Variants in ARHGAP29 observed in about 807,000 individuals in gnomAD.
ARHGAP29 encodes the protein rho GTPase-activating protein 29.
A neutral mutation model predicts 122.6 loss-of-function variants in ARHGAP29; 43 were observed. The observed-to-expected ratio is 0.35, with a 90% CI of 0.27 to 0.45. ARHGAP29 has a LOEUF of 0.45. Ranked by LOEUF, ARHGAP29 falls within the 20% of genes least tolerant of loss-of-function variation. ARHGAP29 has a pLI of 1.00. For missense variants in ARHGAP29, 1,303 were observed against 1,477.2 expected, an observed-to-expected ratio of 0.88 and a Z score of 1.93; for synonymous variants, 506 against 497.1, an observed-to-expected ratio of 1.02 and a Z score of -0.24.
At chr1:94,176,307 G>A (rs1478741540) in intron 22 of ARHGAP29, among the ~76,000 whole-genome samples, 2 of 152,122 alleles carry the variant, frequency 1.3e-5, no homozygotes, top group African/African-American at 2.4e-5. Flanking sequence ...ACTAGGAAAA[G>A]TGCTTAAAAT....
intron 1 of ARHGAP29, among the ~76,000 whole-genome samples, chr1:94,231,910 G>C (rs1400203692): frequency 6.6e-6 from 1 of 152,094 alleles, no homozygotes; most frequent in Admixed American, 6.5e-5. Context: ...TGAGGAACCT[G>C]AGGTTTAGAG....
At position 94,233,003 on chromosome 1, in the gene ARHGAP29, G is replaced by A. The variant is rs1653019218; in HGVS notation, c.-32-1360C>T. ...GCTATCACCCAGGTTGGAGTGCAGTGGTGTGATTATAGCTCACTGCAGCCT... is the reference window on the plus strand; with the variant it reads ...GCTATCACCCAGGTTGGAGTGCAGTAGTGTGATTATAGCTCACTGCAGCCT... On this transcript the variant is annotated intron_variant, in intron 1 of 22. Coordinates refer to ENST00000260526, the MANE Select transcript of ARHGAP29 (RefSeq NM_004815.4). Among the ~76,000 whole-genome samples the A allele has an allele frequency of 3.3e-5, 5 of 150,356 alleles. No homozygotes were observed. The South Asian group carries it at 1.1e-3, about 32-fold the overall frequency.
intron 1 of ARHGAP29, among the ~76,000 whole-genome samples, chr1:94,252,659 A>G (rs1654141865): frequency 6.6e-6 from 1 of 152,222 alleles, no homozygotes; most frequent in Admixed American, 6.5e-5. Flanking sequence ...GTTTTAGAGT[A>G]AGGGAAAGGG....
In ARHGAP29 at chr1:94,174,355, A is replaced by G; in HGVS notation, c.3300T>C (p.Ser1100=). 3 of 1,614,144 alleles carry G rather than the reference A, an allele frequency of 1.9e-6. No individual in the cohort carries two copies. ...TTGTCACTCCTTTTTCCTGGAGTGC[A>G]CTGGGCATGATCATTGTAGTCTTGG... The part of the protein sequence containing the change: ...LTAKTTMIMP[S]ALQEKGVTTS... The change falls in exon 23 of 23, where the codon AGT becomes AGC. Residue 1100 remains serine, a synonymous_variant. Transcript: ENST00000260526.
intron 12 of ARHGAP29, among the ~76,000 whole-genome samples, chr1:94,197,859 C>G (rs1650570216): frequency 6.6e-6 from 1 of 152,142 alleles, no homozygotes; most frequent in South Asian, 2.1e-4. Context: ...ATAAAAGGCA[C>G]CTTCAAAGAA....
At chr1:94,282,160 A>C in the ARHGAP29 span, among the ~76,000 whole-genome samples, 1 of 151,474 alleles carries the variant, frequency 6.6e-6, no homozygotes, top group African/African-American at 2.4e-5. Flanking sequence ...GTAAGTCTGG[A>C]CTGGAGCCCA....
chr1:94,184,036 C>A lies in ARHGAP29; in HGVS notation c.2247+115G>T, dbSNP rs7543017. 2,314 of 1,126,248 alleles carry A rather than the reference C, an allele frequency of 2.1e-3. 35 individuals are homozygous for A. The African/African-American group carries it at 0.033, about 16-fold the overall frequency. 69.8% of individuals were successfully genotyped at this position (1,126,248 alleles called of 1,614,324 possible). ...CTATGCACTAATCATTAGCAAGATA[C>A]CTATACCGTCTATGCCAATGAAAAA... On this transcript the variant is annotated intron_variant, in intron 19 of 22. Coordinates refer to ENST00000260526, the MANE Select transcript of ARHGAP29 (RefSeq NM_004815.4).
chr1:94,207,360 G>A (rs1651269779), intron 5 of ARHGAP29, among the ~76,000 whole-genome samples: 1 of 151,460 alleles, frequency 6.6e-6, no homozygotes, highest in Non-Finnish European at 1.5e-5. Flanking sequence ...TTATTATTAG[G>A]ATTATATATC....
chr1:94,231,508 C>A lies in ARHGAP29; in HGVS notation c.104G>T (p.Ser35Ile). Residue 35 changes from serine to isoleucine, a missense_variant, in exon 2 of 23, where the codon AGT becomes ATT. Physicochemically the swap from Ser to Ile is moderately radical, Grantham distance 142. This residue lies in a region of ARHGAP29 where 592 missense variants were observed against 648.2 expected (regional missense o/e 0.91). Coordinates refer to ENST00000260526, the MANE Select transcript of ARHGAP29 (RefSeq NM_004815.4). ...ATCCGGATCAAAAATAGAGTTGGAA[C>A]TTAAGGACTTGAGCCCCATTTCAGA... is the stretch of plus-strand genomic sequence containing the variant. ...TTSEMGLKSL[S>I]SNSIFDPDYI... The A allele has an allele frequency of 6.2e-7, 1 of 1,613,812 alleles. No individual in the cohort carries two copies. The highest frequency in any genetic ancestry group is 1.3e-5 in the African/African-American group (1 of 75,032).
upstream of ARHGAP29, among the ~76,000 whole-genome samples, chr1:94,276,941 C>T (rs1468267719): frequency 6.6e-6 from 1 of 151,992 alleles, no homozygotes; most frequent in Non-Finnish European, 1.5e-5. Context: ...TGCAAAGGGC[C>T]AGCTTACTTT....
chr1:94,171,703 G>A lies in ARHGAP29; in HGVS notation c.*2166C>T, dbSNP rs1648748882. ...GGCTTAAGGCTCTACGCTGGACAAA[G>A]TGCCAGGGAGCCCTAAAGGCAGAAA... is the stretch of plus-strand genomic sequence containing the variant. On this transcript the variant is annotated 3_prime_UTR_variant, in exon 23 of 23. Coordinates refer to ENST00000260526, the MANE Select transcript of ARHGAP29 (RefSeq NM_004815.4). 6.6e-6 allele frequency: 1 copy of A among 152,176 alleles called. No homozygotes were observed. The highest frequency in any genetic ancestry group is 6.5e-5 in the Admixed American group (1 of 15,276). 9.4% of individuals were successfully genotyped at this position (152,176 alleles called of 1,614,324 possible).
chr1:94,193,379 A>G (rs1650243582), intron 12 of ARHGAP29: 1 of 152,018 alleles, frequency 6.6e-6, no homozygotes, highest in African/African-American at 2.4e-5. Context: ...AAAAAAAAAA[A>G]AAAATTGAAG....
intron 5 of ARHGAP29, among the ~76,000 whole-genome samples, chr1:94,206,235 G>T (rs1053317138): frequency 6.6e-6 from 1 of 152,210 alleles, no homozygotes; most frequent in African/African-American, 2.4e-5. Flanking sequence ...GGAGGTGGAA[G>T]TGAATTTTTA....
rs748089636 is a variant in ARHGAP29, at chr1:94,184,866, A to T, written c.2109+6T>A. 4.5e-6 allele frequency: 7 copies of T among 1,565,266 alleles called. No individual in the cohort carries two copies. The highest frequency in any genetic ancestry group is 4.3e-6 in the Non-Finnish European group (5 of 1,160,148). On this transcript the variant is annotated splice_donor_region_variant and intron_variant, in intron 18 of 22. Coordinates refer to ENST00000260526, the MANE Select transcript of ARHGAP29 (RefSeq NM_004815.4). Reference sequence around the variant, plus strand: ...GCTTTTTAAAATTTTAAGAGTTATAATGTACCTGTAGACACAAAGCTCTAT... The same window carrying T: ...GCTTTTTAAAATTTTAAGAGTTATATTGTACCTGTAGACACAAAGCTCTAT...
intron 1 of ARHGAP29, among the ~76,000 whole-genome samples, chr1:94,265,930 T>A (rs1044088822): frequency 6.6e-6 from 1 of 152,090 alleles, no homozygotes; most frequent in African/African-American, 2.4e-5. Context: ...AATCCATGAG[T>A]GTCTGGTGCC....
In ARHGAP29 at chr1:94,172,995, T is replaced by C. The variant is rs1648841357; in HGVS notation, c.*874A>G. On this transcript the variant is annotated 3_prime_UTR_variant, in exon 23 of 23. Transcript: ENST00000260526. ...ACATTTCATACAAAAGGAATGGTTT[T>C]AACCCAGACAAATCAAGAGGAAATG... The C allele has an allele frequency of 6.6e-6, 1 of 152,558 alleles. No individual in the cohort carries two copies. 9.5% of individuals were successfully genotyped at this position (152,558 alleles called of 1,614,324 possible).
the ARHGAP29 span, among the ~76,000 whole-genome samples, chr1:94,284,082 A>G: frequency 7.2e-5 from 2 of 27,936 alleles, no homozygotes; most frequent in Non-Finnish European, 2.1e-4. Flanking sequence ...AAAGGCAGAA[A>G]TGGGAAAAAA....
At chr1:94,234,576 C>T (rs192671279) in intron 1 of ARHGAP29, among the ~76,000 whole-genome samples, 1 of 152,188 alleles carries the variant, frequency 6.6e-6, no homozygotes, top group African/African-American at 2.4e-5. Context: ...GAGAATCTAA[C>T]TTCTACATTT....
chr1:94,242,851 G>T (rs1653652652), intron 1 of ARHGAP29, among the ~76,000 whole-genome samples: 1 of 151,866 alleles, frequency 6.6e-6, no homozygotes, highest in Non-Finnish European at 1.5e-5. Flanking sequence ...ACAGATACAT[G>T]GAAAGTAAAA....
Sources: allele counts gnomAD v4.1 joint callset (sites outside exome capture counted in the v4.1 genomes callset), GRCh38; gene constraint gnomAD v4.1.1; regional missense constraint gnomAD v4.1.1; transcripts MANE v1.5; gene names NCBI Gene and HGNC (gene_info 2026-07-23, HGNC 2026-07-21).